TBC1D13: variants seen among roughly 807,000 people sequenced by gnomAD.
TBC1D13 encodes the protein TBC1 domain family member 13, also known as epididymis secretory sperm binding protein.
TBC1D13 carries 40 observed loss-of-function variants against 53.6 expected under a neutral mutation model. The ratio of observed to expected loss-of-function variants is 0.75; its 90% CI spans 0.58 to 0.97. The LOEUF (loss-of-function observed/expected upper bound fraction) is 0.97. TBC1D13 is among the 50% of genes least tolerant of loss of function. The pLI, the probability that TBC1D13 is intolerant of heterozygous loss-of-function variation, is 0.00. For synonymous variants in TBC1D13, 182 were observed against 197.7 expected (o/e 0.92, Z 0.67); for missense variants, 377 against 499.4 (o/e 0.75, Z 2.34).
rs115875267 is a variant in TBC1D13 at position 128,791,958 on chromosome 9, A to C, written c.300+265A>C. Among the ~76,000 whole-genome samples, 446 of 152,284 alleles carry C rather than the reference A, an allele frequency of 2.9e-3. 4 individuals carry two copies. Among genetic ancestry groups the C allele is most frequent in the African/African-American group, 0.01 (418 of 41,562 alleles). ...GAGGACATGGTCTATTTCAACCCTC[A>C]TCCCTGTTCCTTGAAGAAAGTCAGA... On this transcript the variant is annotated intron_variant, in intron 5 of 11. Transcript: ENST00000372648.
At chr9:128,800,924 G>A (rs1295326207) in intron 7 of TBC1D13, among the ~76,000 whole-genome samples, 1 of 152,118 alleles carries the variant, frequency 6.6e-6, no homozygotes, top group Non-Finnish European at 1.5e-5. Flanking sequence ...CACTTTGGGA[G>A]GCCAAGGCAG....
chr9:128,808,467 G>GTGTGTGTGTGTGTGT lies in TBC1D13; in HGVS notation c.*588_*589insTGTGTGTGTGTGTGT. The GTGTGTGTGTGTGTGT allele has an allele frequency of 6.2e-6, 1 of 161,196 alleles. No individual in the cohort carries two copies. The highest frequency in any genetic ancestry group is 6.1e-5 in the Admixed American group (1 of 16,476). The allele number at this position is 161,196 out of a possible 1,614,324, so 10.0% of individuals were successfully genotyped here. A position where few individuals can be genotyped will look rare whatever the true frequency, so the allele number is the denominator to read the frequency against. On this transcript the variant is annotated 3_prime_UTR_variant, in exon 12 of 12. Coordinates refer to ENST00000372648, the MANE Select transcript of TBC1D13 (RefSeq NM_018201.5). ...TGTGTGTGTGTGTGTTAGGGAGTGAGGGTCTCTCAGGCCTCCAGGTCTCCC... is the reference window on the plus strand; with the variant it reads ...TGTGTGTGTGTGTGTTAGGGAGTGAGTGTGTGTGTGTGTGTGGTCTCTCAGGCCTCCAGGTCTCCC...
intron 7 of TBC1D13, among the ~76,000 whole-genome samples, chr9:128,803,032 G>A (rs538188435): frequency 6.6e-6 from 1 of 152,222 alleles, no homozygotes; most frequent in South Asian, 2.1e-4. Flanking sequence ...ATTGTGGCCC[G>A]CCCATGTTGT....
chr9:128,804,735 T>TG (rs61022745), intron 9 of TBC1D13, among the ~76,000 whole-genome samples: 767 of 65,896 alleles, frequency 0.012, 10 homozygotes, highest in African/African-American at 0.075. Context: ...TTTTTTTTTT[T>TG]TTTTTTTTTT....
chr9:128,793,203 G>A (rs1829566143), intron 6 of TBC1D13, among the ~76,000 whole-genome samples: 1 of 152,256 alleles, frequency 6.6e-6, no homozygotes, highest in African/African-American at 2.4e-5. Flanking sequence ...CAGGGTGGGA[G>A]ATAGGGGCTG....
chr9:128,796,935 C>G (rs1245231243), intron 6 of TBC1D13, 120 bp from the exon 7 acceptor site: 2 of 1,177,422 alleles, frequency 1.7e-6, no homozygotes, highest in Non-Finnish European at 2.4e-6. Flanking sequence ...GACTCCATCT[C>G]AAAAACAAAA....
At chr9:128,799,383 A>C (rs1829693112) in intron 7 of TBC1D13, among the ~76,000 whole-genome samples, 1 of 152,182 alleles carries the variant, frequency 6.6e-6, no homozygotes, top group South Asian at 2.1e-4. Context: ...AGTCACACAT[A>C]TCCTGGCCTT....
Position 128,808,407 on chromosome 9 carries a change from CCG to C in TBC1D13, c.*529_*530del, listed in dbSNP as rs1491485899. 23 of 96,458 alleles carry C rather than the reference CCG, an allele frequency of 2.4e-4. No individual in the cohort carries two copies. Among genetic ancestry groups the C allele is most frequent in the Non-Finnish European group, 4.0e-4 (21 of 52,600 alleles). 6.0% of individuals were successfully genotyped at this position (96,458 alleles called of 1,614,324 possible). On this transcript the variant is annotated 3_prime_UTR_variant, in exon 12 of 12. Coordinates refer to ENST00000372648, the MANE Select transcript of TBC1D13 (RefSeq NM_018201.5). The stretch of plus-strand genomic sequence containing the variant: ...GGGCCCAAGTCCCCAGGCATCTTCT[CCG>C]TGTGTGTGTGTGTGTGTGTGTGTGT...
intron 6 of TBC1D13, 34 bp from the exon 7 acceptor site, chr9:128,797,021 A>G: frequency 6.2e-7 from 1 of 1,609,938 alleles, no homozygotes; most frequent in Non-Finnish European, 8.5e-7. Flanking sequence ...TTCCACCTTG[A>G]GTAACAAGAT....
At chr9:128,798,656 T>C (rs1321373033) in intron 7 of TBC1D13, among the ~76,000 whole-genome samples, 1 of 152,148 alleles carries the variant, frequency 6.6e-6, no homozygotes, top group African/African-American at 2.4e-5. Context: ...AATAGATTCC[T>C]GTCACTCTGA....
intron 7 of TBC1D13, among the ~76,000 whole-genome samples, chr9:128,801,866 A>G (rs1388444410): frequency 1.5e-5 from 2 of 137,122 alleles, no homozygotes; most frequent in Non-Finnish European, 3.2e-5. Context: ...GGTTCATGCC[A>G]TTCTCCTGCC....
intron 9 of TBC1D13, among the ~76,000 whole-genome samples, chr9:128,804,408 ATTT>A (rs775050479): frequency 7.1e-6 from 1 of 141,300 alleles, no homozygotes. Context: ...TGTTAACTTC[ATTT>A]TTTTTTTTTT....
At chr9:128,802,737 ATTTT>A (rs34161473) in intron 7 of TBC1D13, among the ~76,000 whole-genome samples, 4 of 137,424 alleles carry the variant, frequency 2.9e-5, no homozygotes, top group Admixed American at 7.4e-5. Context: ...CACATTGTCC[ATTTT>A]TTTTTTTTTT....
Position 128,804,104 on chromosome 9 carries a change from G to A in TBC1D13, c.903G>A (p.Glu301=), listed in dbSNP as rs765650539. 1.2e-6 allele frequency: 2 copies of A among 1,613,974 alleles called. No homozygotes were observed. The highest frequency in any genetic ancestry group is 1.7e-6 in the Non-Finnish European group (2 of 1,180,004). Residue 301 remains glutamate, a synonymous_variant, in exon 9 of 12, where the codon GAG becomes GAA. Coordinates refer to ENST00000372648, the MANE Select transcript of TBC1D13 (RefSeq NM_018201.5). ...CCACCTTGAAAGATAAGGATGTGGA[G>A]CTCTACCTGAAACTGGTGAGGACCC... ...VYSTLKDKDV[E]LYLKLQEQNI...
rs752982267 is a variant in TBC1D13 at position 128,803,985 on chromosome 9, T to C, written c.784T>C (p.Phe262Leu). 2.5e-6 allele frequency: 4 copies of C among 1,613,656 alleles called. No individual in the cohort carries two copies. Among genetic ancestry groups the C allele is most frequent in the East Asian group, 4.5e-5 (2 of 44,882 alleles). The change falls in exon 9 of 12, where the codon TTC (phenylalanine) becomes CTC (leucine). Residue 262 changes from phenylalanine to leucine, a missense_variant. Phe to Leu is a conservative substitution (Grantham distance 22). Transcript: ENST00000372648. ...EHAEADTFFC[F>L]TNLMAEIRDN... ...CGCCGAGGCAGACACCTTTTTCTGC[T>C]TCACCAACCTCATGGCCGAGATCCG...
In TBC1D13 at chr9:128,808,288, G is replaced by T. The variant is rs765603766; in HGVS notation, c.*409G>T. 7 of 235,880 alleles carry T rather than the reference G, an allele frequency of 3.0e-5. No individual in the cohort carries two copies. The highest frequency in any genetic ancestry group is 6.0e-5 in the Non-Finnish European group (7 of 115,778). 14.6% of individuals were successfully genotyped at this position (235,880 alleles called of 1,614,324 possible). A position where few individuals can be genotyped will look rare whatever the true frequency, so the allele number is the denominator to read the frequency against. ...GGGCCAGAAACCGCTTCTGAGCGGG[G>T]CACTTCGGCTGCTCCACAGGGAAGG... On this transcript the variant is annotated 3_prime_UTR_variant, in exon 12 of 12. Coordinates refer to ENST00000372648, the MANE Select transcript of TBC1D13 (RefSeq NM_018201.5).
chr9:128,807,743 G>T lies in TBC1D13; in HGVS notation c.1138-71G>T, dbSNP rs543449966. On this transcript the variant is annotated intron_variant, in intron 11 of 11. Coordinates refer to ENST00000372648, the MANE Select transcript of TBC1D13 (RefSeq NM_018201.5). ...GGATCCAGCATGGCAACGGGTCCCAGCAGGGAGGGTGTGGGTGTGGCAGGG... is the reference window on the plus strand; with the variant it reads ...GGATCCAGCATGGCAACGGGTCCCATCAGGGAGGGTGTGGGTGTGGCAGGG... 29 of 1,525,798 alleles carry T rather than the reference G, an allele frequency of 1.9e-5. No individual in the cohort carries two copies. In the East Asian group the frequency reaches 4.5e-4, roughly 24 times the overall value. The allele number at this position is 1,525,798 out of a possible 1,614,324, so 94.5% of individuals were successfully genotyped here.
chr9:128,792,379 C>T, intron 5 of TBC1D13, 113 bp from the exon 6 acceptor site: 1 of 849,544 alleles, frequency 1.2e-6, no homozygotes. Context: ...AGGACCACAC[C>T]TCAGTGTGCA....
chr9:128,796,987 C>T, intron 6 of TBC1D13, 68 bp from the exon 7 acceptor site: 3 of 1,572,026 alleles, frequency 1.9e-6, no homozygotes, highest in Non-Finnish European at 2.6e-6. Context: ...CTTGGGGTCT[C>T]CTGGCAGATG....
Sources: gnomAD v4.1 joint callset for allele counts (sites outside exome capture counted in the v4.1 genomes callset) on GRCh38, gnomAD v4.1.1 for gene constraint, MANE v1.5 for transcripts, NCBI Gene and HGNC (gene_info 2026-07-23, HGNC 2026-07-21) for gene names.